The following OTOP2 variants were observed in gnomAD, a reference collection of about 807,000 sequenced individuals.
OTOP2 encodes otopetrin 2, also known as proton channel OTOP2.
Under a neutral mutation model 47.4 loss-of-function variants are expected in OTOP2, and 41 were observed. The observed-to-expected ratio is 0.87, with a 90% confidence interval of 0.67 to 1.12. OTOP2 has a LOEUF of 1.12. Among genes scored for constraint, OTOP2 ranks in the 50% most tolerant of loss-of-function variants. The probability of loss-of-function intolerance (pLI) is 0.00; values close to 1 mark genes in which losing one functional copy is unlikely to be tolerated. For missense variants in OTOP2, 721 were observed against 752.2 expected, an observed-to-expected ratio of 0.96 and a Z score of 0.49; for synonymous variants, 328 against 319.6, an observed-to-expected ratio of 1.03 and a Z score of -0.28.
At chr17:74,927,574 T>C in intron 4 of OTOP2, 91 bp from the exon 5 acceptor site, 2 of 1,515,728 alleles carry the variant, frequency 1.3e-6, no homozygotes, top group Admixed American at 2.0e-5. Context: ...GCCTGGCTGC[T>C]TTATCATTTC....
At position 74,927,828 on chromosome 17, in the gene OTOP2, G is replaced by A. The variant is rs763361378; in HGVS notation, c.643+30G>A. 13 of 1,610,722 alleles carry A rather than the reference G, an allele frequency of 8.1e-6. 1 individual carries two copies. The East Asian group carries it at 2.9e-4, about 36-fold the overall frequency. The stretch of plus-strand genomic sequence containing the variant: ...GTTTCCTCTTAATGCTGGCCCTGTG[G>A]CTACCAGGCCTTGGGCCGGGTGCTT... On this transcript the variant is annotated intron_variant, in intron 5 of 6. Transcript: ENST00000331427.
At position 74,924,919 on chromosome 17, in the gene OTOP2, C is replaced by G; in HGVS notation, c.287C>G (p.Ala96Gly). 4 of 1,577,116 alleles carry G rather than the reference C, an allele frequency of 2.5e-6. No individual in the cohort carries two copies. The highest frequency in any genetic ancestry group is 1.2e-5 in the South Asian group (1 of 86,722). The change falls in exon 2 of 7, where the codon GCG (alanine) becomes GGG (glycine). Residue 96 changes from alanine (A) to glycine (G), a missense_variant. By Grantham distance (60) the Ala-to-Gly change is moderately conservative. Transcript: ENST00000331427. This position sits in a 1 kb window ranked among gnomAD's most constrained non-coding sequence, Gnocchi z 7.7. ...RCPCAVPYRDAHAGPIWLRGG... is the reference protein window; with the variant it reads ...RCPCAVPYRDGHAGPIWLRGG... ...CCCTGCGCGGTACCCTACCGGGACGCGCACGCTGGCCCCATCTGGCTCCGA... is the reference window on the plus strand; with the variant it reads ...CCCTGCGCGGTACCCTACCGGGACGGGCACGCTGGCCCCATCTGGCTCCGA...
chr17:74,929,440 GTTTGA>G (rs2039036080), intron 5 of OTOP2, among the ~76,000 whole-genome samples: 2 of 151,974 alleles, frequency 1.3e-5, no homozygotes, highest in African/African-American at 2.4e-5. Flanking sequence ...TTGTTTGTTT[GTTTGA>G]GACAGAGTCT....
chr17:74,931,108 G>T lies in OTOP2; in HGVS notation c.1473G>T (p.Gln491His), dbSNP rs1429732645. The T allele has an allele frequency of 6.2e-7, 1 of 1,611,456 alleles. No individual in the cohort carries two copies. Among genetic ancestry groups the T allele is most frequent in the African/African-American group, 1.3e-5 (1 of 74,830 alleles). Residue 491 changes from glutamine to histidine, a missense_variant, in exon 6 of 7, where the codon CAG (glutamine) becomes CAT (histidine). Transcript: ENST00000331427. ...CCCCCAGAAGCCAGTGGAGACGCCA[G>T]TGCCTAAAAGACATTTCTCTGTTTC... ...VSTPRSQWRR[Q>H]CLKDISLFLL...
chr17:74,931,160 A>G lies in OTOP2; in HGVS notation c.1518+7A>G. 1 of 1,571,154 alleles carries G rather than the reference A, an allele frequency of 6.4e-7. No individual in the cohort carries two copies. Among genetic ancestry groups the G allele is most frequent in the Non-Finnish European group, 8.7e-7 (1 of 1,156,038 alleles). The stretch of plus-strand genomic sequence containing the variant: ...CCTACTCTGCAATGTCATTGTGAGT[A>G]GCTGGGGGGAGAAAGGGTGGGCTTG... On this transcript the variant is annotated splice_region_variant and intron_variant, in intron 6 of 6. Coordinates refer to ENST00000331427, the MANE Select transcript of OTOP2 (RefSeq NM_178160.3).
Position 74,927,855 on chromosome 17 carries a change from G to C in OTOP2, c.643+57G>C. The C allele has an allele frequency of 6.3e-6, 10 of 1,583,084 alleles. No individual in the cohort carries two copies. In the Admixed American group the frequency reaches 1.8e-4, roughly 28 times the overall value. On this transcript the variant is annotated intron_variant, in intron 5 of 6. Transcript: ENST00000331427. The stretch of plus-strand genomic sequence containing the variant: ...TACCAGGCCTTGGGCCGGGTGCTTT[G>C]TGAATTTATAACGTCAGTCTCCTGT...
At chr17:74,926,667 T>C (rs1277979865) in intron 3 of OTOP2, among the ~76,000 whole-genome samples, 3 of 152,168 alleles carry the variant, frequency 2.0e-5, no homozygotes, top group African/African-American at 7.2e-5. Context: ...TTGCAAACCT[T>C]TAAAGAATGG....
intron 3 of OTOP2, among the ~76,000 whole-genome samples, chr17:74,926,739 T>A (rs1330892787): frequency 6.6e-6 from 1 of 152,048 alleles, no homozygotes; most frequent in East Asian, 1.9e-4. Context: ...CCACCTAATT[T>A]TTTTTTCTTT....
Position 74,930,210 on chromosome 17 carries a change from C to T in OTOP2, c.644-69C>T. The T allele has an allele frequency of 6.7e-7, 1 of 1,486,410 alleles. No individual in the cohort carries two copies. The highest frequency in any genetic ancestry group is 1.3e-5 in the South Asian group (1 of 74,094). The allele number at this position is 1,486,410 out of a possible 1,614,324, so 92.1% of individuals were successfully genotyped here. A position where few individuals can be genotyped will look rare whatever the true frequency, so the allele number is the denominator to read the frequency against. ...AAACAAAACAAAAAAAAAAAGGTCA[C>T]AGGCTAGGGGTGAGACCTCTCTAGG... is the stretch of plus-strand genomic sequence containing the variant. On this transcript the variant is annotated intron_variant, in intron 5 of 6. Coordinates refer to ENST00000331427, the MANE Select transcript of OTOP2 (RefSeq NM_178160.3). This position sits in a 1 kb window ranked among gnomAD's most constrained non-coding sequence, Gnocchi z 4.0.
At chr17:74,929,274 T>C (rs1241213320) in intron 5 of OTOP2, among the ~76,000 whole-genome samples, 1 of 151,878 alleles carries the variant, frequency 6.6e-6, no homozygotes, top group East Asian at 1.9e-4. Context: ...CTGAATCAGA[T>C]GGTAGGGAGA....
At chr17:74,926,700 T>G (rs1406316297) in intron 3 of OTOP2, among the ~76,000 whole-genome samples, 2 of 152,088 alleles carry the variant, frequency 1.3e-5, no homozygotes, top group East Asian at 3.8e-4. Flanking sequence ...TTATACAAAC[T>G]GTGTCAGAAT....
intron 6 of OTOP2, 103 bp downstream of exon 6, chr17:74,931,256 G>T (rs117676121): frequency 2.8e-6 from 4 of 1,427,318 alleles, no homozygotes; most frequent in South Asian, 1.4e-5. Context: ...CCCCCAGCCC[G>T]CCTGAGAATC....
chr17:74,925,066 C>T (rs2038994777), intron 2 of OTOP2, 121 bp downstream of exon 2: 3 of 1,251,712 alleles, frequency 2.4e-6, no homozygotes, highest in Non-Finnish European at 3.2e-6. Flanking sequence ...TAGGGAGGAC[C>T]AGGAGGACCG....
rs1038793108 is a variant in OTOP2, at chr17:74,924,667, G to GC, written c.41dup (p.Ala15GlyfsTer116). On this transcript the variant is annotated frameshift_variant, in exon 2 of 7. Coordinates refer to ENST00000331427, the MANE Select transcript of OTOP2 (RefSeq NM_178160.3). LOFTEE classifies it high-confidence loss of function. This position sits in a 1 kb window ranked among gnomAD's most constrained non-coding sequence, Gnocchi z 7.7. Reference sequence around the variant, plus strand: ...GAGCTGGCCCAGGGCCCCAAGGAGAGCCCCCCGGCGCCGCGTGCGGGCCCC... The same window carrying GC: ...GAGCTGGCCCAGGGCCCCAAGGAGAGCCCCCCCGGCGCCGCGTGCGGGCCCC... 12 of 1,591,076 alleles carry GC rather than the reference G, an allele frequency of 7.5e-6. No individual in the cohort carries two copies. Among genetic ancestry groups the GC allele is most frequent in the East Asian group, 2.2e-5 (1 of 44,468 alleles).
At position 74,925,606 on chromosome 17, in the gene OTOP2, A is replaced by G. The variant is rs759343617; in HGVS notation, c.364A>G (p.Thr122Ala). ...ICTLIMDVFK[T>A]GYYSSFFECQ... ...CACCCTCATCATGGATGTCTTCAAG[A>G]CCGGCTACTACTCCAGTTTCTTTGA... The change falls in exon 3 of 7, where the codon ACC (threonine) becomes GCC (alanine). Residue 122 changes from threonine (T) to alanine (A), a missense_variant. By Grantham distance (58) the Thr-to-Ala change is moderately conservative (BLOSUM62 0). Coordinates refer to ENST00000331427, the MANE Select transcript of OTOP2 (RefSeq NM_178160.3). 6 of 1,614,062 alleles carry G rather than the reference A, an allele frequency of 3.7e-6. No individual in the cohort carries two copies. The highest frequency in any genetic ancestry group is 4.2e-6 in the Non-Finnish European group (5 of 1,180,014).
intron 4 of OTOP2, 149 bp from the exon 5 acceptor site, chr17:74,927,516 C>T (rs2039019367): frequency 6.6e-6 from 8 of 1,206,940 alleles, no homozygotes; most frequent in South Asian, 3.0e-5. Flanking sequence ...TGGTGGCATA[C>T]CAGCCAGGCT....
At position 74,924,459 on chromosome 17, in the gene OTOP2, C is replaced by A; in HGVS notation, c.-34+126C>A. 1 of 696,628 alleles carries A rather than the reference C, an allele frequency of 1.4e-6. No individual in the cohort carries two copies. Among genetic ancestry groups the A allele is most frequent in the African/African-American group, 1.8e-5 (1 of 55,182 alleles). The allele number at this position is 696,628 out of a possible 1,614,324, so 43.2% of individuals were successfully genotyped here. A position where few individuals can be genotyped will look rare whatever the true frequency, so the allele number is the denominator to read the frequency against. On this transcript the variant is annotated intron_variant, in intron 1 of 6. Coordinates refer to ENST00000331427, the MANE Select transcript of OTOP2 (RefSeq NM_178160.3). The surrounding 1 kb of genome is among the most constrained non-coding windows in gnomAD (Gnocchi z 7.7). The stretch of plus-strand genomic sequence containing the variant: ...AGGGGCAGGTTCCGCATTTTCTCTT[C>A]CCCTTTCCCAGCGCTTCCTCCAGCA...
chr17:74,931,083 C>T lies in OTOP2; in HGVS notation c.1448C>T (p.Thr483Ile), dbSNP rs1004320104. ...CGGGAAGCAGTGGCCATCGTCTCAA[C>T]CCCCAGAAGCCAGTGGAGACGCCAG... The part of the protein sequence containing the change: ...DQREAVAIVS[T>I]PRSQWRRQCL... Residue 483 changes from threonine to isoleucine, a missense_variant, in exon 6 of 7, where the codon ACC becomes ATC. Thr to Ile is a moderately conservative substitution (Grantham distance 89). Transcript: ENST00000331427. The T allele has an allele frequency of 1.2e-6, 2 of 1,613,922 alleles. No individual in the cohort carries two copies. The highest frequency in any genetic ancestry group is 1.3e-5 in the African/African-American group (1 of 74,916).
In OTOP2 at chr17:74,924,510, G is replaced by A; in HGVS notation, c.-33-90G>A. On this transcript the variant is annotated intron_variant, in intron 1 of 6. Coordinates refer to ENST00000331427, the MANE Select transcript of OTOP2 (RefSeq NM_178160.3). The surrounding 1 kb of genome is among the most constrained non-coding windows in gnomAD (Gnocchi z 7.7). The stretch of plus-strand genomic sequence containing the variant: ...CCCGAAGCCCCAACCCTGCGGGTCA[G>A]GAACTCCCTAGTCCCCAAGTCTAGG... The A allele has an allele frequency of 8.2e-7, 1 of 1,223,356 alleles. No individual in the cohort carries two copies. Among genetic ancestry groups the A allele is most frequent in the Non-Finnish European group, 1.1e-6 (1 of 911,310 alleles). 75.8% of individuals were successfully genotyped at this position (1,223,356 alleles called of 1,614,324 possible). A position where few individuals can be genotyped will look rare whatever the true frequency, so the allele number is the denominator to read the frequency against.
Sources: gnomAD v4.1 joint callset for allele counts (sites outside exome capture counted in the v4.1 genomes callset) on GRCh38, gnomAD v4.1.1 for gene constraint, Gnocchi (gnomAD v3.1) non-coding constraint, MANE v1.5 for transcripts, NCBI Gene and HGNC (gene_info 2026-07-23, HGNC 2026-07-21) for gene names.